TUT7: variants seen among roughly 807,000 people sequenced by gnomAD.
TUT7 encodes terminal uridylyltransferase 7.
A neutral mutation model predicts 165.9 loss-of-function variants in TUT7; 33 were observed. The ratio of observed to expected loss-of-function variants is 0.20; its 90% CI spans 0.15 to 0.27. TUT7 has a LOEUF of 0.27. TUT7 is among the 10% of genes least tolerant of loss of function. The pLI, the probability that TUT7 is intolerant of heterozygous loss-of-function variation, is 1.00. For missense variants in TUT7, 1,338 were observed against 1,762.3 expected (o/e 0.76, Z 4.31); for synonymous variants, 552 against 608.1 (o/e 0.91, Z 1.36).
chr9:86,310,060 T>C, intron 18 of TUT7, 43 bp from the exon 19 acceptor site: 1 of 1,456,340 alleles, frequency 6.9e-7, no homozygotes, highest in South Asian at 1.2e-5. Flanking sequence ...CAATGAAGTG[T>C]AAAGGGTCTC....
In TUT7 at chr9:86,323,558, A is replaced by T. The variant is rs1470474774; in HGVS notation, c.2192T>A (p.Val731Asp). Residue 731 changes from valine (V) to aspartate (D), a missense_variant, in exon 13 of 27, where the codon GTT (valine) becomes GAT (aspartate). Val to Asp is a radical substitution (Grantham distance 152). This residue lies in a region of TUT7 where 425 missense variants were observed against 474.9 expected (regional missense o/e 0.89). Transcript: ENST00000375963. ...PENSDCIQAD[V>D]NSDDYKGDKV... ...ATCACCCTTGTAATCATCAGAGTTA[A>T]CATCTGCTTGGATACAGTCTGAGTT... The T allele has an allele frequency of 4.6e-5, 75 of 1,614,182 alleles. No homozygotes were observed. Among genetic ancestry groups the T allele is most frequent in the Non-Finnish European group, 6.1e-5 (72 of 1,180,026 alleles).
intron 26 of TUT7, among the ~76,000 whole-genome samples, chr9:86,300,324 C>T (rs1388254947): frequency 6.6e-6 from 1 of 152,122 alleles, no homozygotes; most frequent in East Asian, 1.9e-4. Context: ...GAGAGGTATT[C>T]TTGTTCCAAG....
rs1461925552 is a variant in TUT7 at position 86,310,044 on chromosome 9, G to A, written c.3379-27C>T. The A allele has an allele frequency of 3.8e-6, 6 of 1,562,126 alleles. No individual in the cohort carries two copies. The African/African-American group carries it at 5.5e-5, about 14-fold the overall frequency. ...TGTTAAAAGGAAAATAACACTATAA[G>A]ACTAACAATGAAGTGTAAAGGGTCT... On this transcript the variant is annotated intron_variant, in intron 18 of 26. Transcript: ENST00000375963.
At chr9:86,310,537 T>C (rs1431365114) in intron 18 of TUT7, among the ~76,000 whole-genome samples, 169 bp downstream of exon 18, 1 of 152,188 alleles carries the variant, frequency 6.6e-6, no homozygotes, top group Non-Finnish European at 1.5e-5. Flanking sequence ...TGAATTATCT[T>C]AGAATCCTCA....
At chr9:86,324,208 T>A (rs916383838) in intron 12 of TUT7, among the ~76,000 whole-genome samples, 1 of 152,174 alleles carries the variant, frequency 6.6e-6, no homozygotes, top group Non-Finnish European at 1.5e-5. Flanking sequence ...CCAGTACCCC[T>A]TCTCCCTATT....
chr9:86,345,692 T>C lies in TUT7; in HGVS notation c.796A>G (p.Lys266Glu). Residue 266 changes from lysine to glutamate, a missense_variant, in exon 4 of 27, where the codon AAG (lysine) becomes GAG (glutamate). Transcript: ENST00000375963. ...IAFAHKHIKE[K>E]RHKKNIKEKQ... ...ACCTTAATGTTTTTCTTGTGCCTCT[T>C]TTCCTTGATATGCTTATGGGCAAAT... 1 of 1,613,128 alleles carries C rather than the reference T, an allele frequency of 6.2e-7. No individual in the cohort carries two copies. Among genetic ancestry groups the C allele is most frequent in the Non-Finnish European group, 8.5e-7 (1 of 1,179,350 alleles).
At chr9:86,304,778 A>C in intron 24 of TUT7, 78 bp downstream of exon 24, 1 of 866,344 alleles carries the variant, frequency 1.2e-6, no homozygotes, top group Non-Finnish European at 1.8e-6. Flanking sequence ...CTAAATATTT[A>C]AGTTACTACT....
chr9:86,337,192 T>C lies in TUT7; in HGVS notation c.1455+227A>G, dbSNP rs1406408359. The C allele has an allele frequency of 1.1e-5, 5 of 438,272 alleles. 1 individual carries two copies. Among genetic ancestry groups the C allele is most frequent in the South Asian group, 6.1e-5 (2 of 32,992 alleles). 27.1% of individuals were successfully genotyped at this position (438,272 alleles called of 1,614,324 possible). ...TACATATTTCAAAAATTAAGAGATT[T>C]TGCAGTCTAGAAAGGTAATAATATC... is the stretch of plus-strand genomic sequence containing the variant. On this transcript the variant is annotated intron_variant, in intron 10 of 26. Transcript: ENST00000375963.
chr9:86,320,903 C>T (rs1829216893), intron 14 of TUT7, among the ~76,000 whole-genome samples: 1 of 152,136 alleles, frequency 6.6e-6, no homozygotes, highest in African/African-American at 2.4e-5. Context: ...TATAACAGGC[C>T]ATGCATTTTT....
At chr9:86,297,282 A>T (rs567465564) in intron 26 of TUT7, among the ~76,000 whole-genome samples, 1 of 152,322 alleles carries the variant, frequency 6.6e-6, no homozygotes, top group Non-Finnish European at 1.5e-5. Context: ...CACTATATGC[A>T]GGCGCTGTTC....
At chr9:86,350,659 T>C (rs766886140) in intron 2 of TUT7, among the ~76,000 whole-genome samples, 15 of 152,226 alleles carry the variant, frequency 9.9e-5, no homozygotes, top group Non-Finnish European at 2.1e-4. Flanking sequence ...GCTGCCTGAT[T>C]TGTAAAACTG....
chr9:86,340,003 A>G (rs778533765), intron 8 of TUT7, 33 bp downstream of exon 8: 1 of 1,562,056 alleles, frequency 6.4e-7, no homozygotes, highest in Non-Finnish European at 8.8e-7. Context: ...GCAAGTTGAG[A>G]GTTAGTAAAT....
At chr9:86,339,028 C>A in intron 8 of TUT7, 79 bp from the exon 9 acceptor site, 1 of 1,288,812 alleles carries the variant, frequency 7.8e-7, no homozygotes, top group Non-Finnish European at 1.0e-6. Context: ...TCTTTTATGC[C>A]AACAACTAAT....
intron 4 of TUT7, among the ~76,000 whole-genome samples, 162 bp from the exon 5 acceptor site, chr9:86,345,316 T>C (rs1183940706): frequency 6.6e-6 from 1 of 152,206 alleles, no homozygotes; most frequent in Non-Finnish European, 1.5e-5. Flanking sequence ...TACTTCCTTA[T>C]GCACATAATG....
Position 86,311,383 on chromosome 9 carries a change from C to A in TUT7, c.3275-574G>T, listed in dbSNP as rs557738830. Among the ~76,000 whole-genome samples, 1 of 152,198 alleles carries A rather than the reference C, an allele frequency of 6.6e-6. No individual in the cohort carries two copies. Among genetic ancestry groups the A allele is most frequent in the East Asian group, 1.9e-4 (1 of 5,176 alleles). On this transcript the variant is annotated intron_variant, in intron 17 of 26. Transcript: ENST00000375963. The surrounding 1 kb of genome is among the most constrained non-coding windows in gnomAD (Gnocchi z 4.4). The stretch of plus-strand genomic sequence containing the variant: ...AGTTGAGCAAATTTACCAGGCAAGG[C>A]AAACTGTACACAAAAAGTGTAGATG...
At chr9:86,318,815 T>A (rs1828975193) in intron 16 of TUT7, 143 bp downstream of exon 16, 2 of 529,372 alleles carry the variant, frequency 3.8e-6, no homozygotes, top group Admixed American at 7.3e-5. Flanking sequence ...AGCCTCTTAA[T>A]GTATTTGGCC....
chr9:86,305,768 T>A (rs996450084), intron 22 of TUT7, among the ~76,000 whole-genome samples: 2 of 152,132 alleles, frequency 1.3e-5, no homozygotes, highest in African/African-American at 2.4e-5. Context: ...CACACAGATA[T>A]ATACATCTGT....
rs556458203 is a variant in TUT7, at chr9:86,341,107, C to T, written c.1087-54G>A. ...ATTATTCCTAAGTGATTTTGCTTCA[C>T]TGATATAAGAGTCATCCGAAGTTCC... On this transcript the variant is annotated intron_variant, in intron 6 of 26. Coordinates refer to ENST00000375963, the MANE Select transcript of TUT7 (RefSeq NM_024617.4). The T allele has an allele frequency of 1.6e-5, 23 of 1,483,282 alleles. No individual in the cohort carries two copies. In the East Asian group the frequency reaches 4.3e-4, roughly 28 times the overall value. The allele number at this position is 1,483,282 out of a possible 1,614,324, so 91.9% of individuals were successfully genotyped here. A position where few individuals can be genotyped will look rare whatever the true frequency, so the allele number is the denominator to read the frequency against.
intron 5 of TUT7, chr9:86,344,770 T>C: frequency 1.9e-6 from 1 of 525,524 alleles, no homozygotes; most frequent in Non-Finnish European, 3.3e-6. Context: ...GTAAAATTTA[T>C]AATGGAAACA....
Sources: allele counts gnomAD v4.1 joint callset (sites outside exome capture counted in the v4.1 genomes callset), GRCh38; gene constraint gnomAD v4.1.1; regional missense constraint gnomAD v4.1.1; non-coding constraint Gnocchi (gnomAD v3.1); transcripts MANE v1.5; gene names NCBI Gene and HGNC (gene_info 2026-07-23, HGNC 2026-07-21).